Variants in LINGO2 observed in about 807,000 individuals in gnomAD.
LINGO2 encodes leucine-rich repeat and immunoglobulin-like domain-containing nogo receptor-interacting protein 2.
LINGO2 carries 14 observed loss-of-function variants against 30.6 expected under a neutral mutation model. The ratio of observed to expected loss-of-function variants is 0.46; its 90% confidence interval spans 0.30 to 0.72. The LOEUF is 0.72. Ranked by LOEUF, LINGO2 falls within the 30% of genes least tolerant of loss-of-function variation. LINGO2 has a pLI of 0.07. For synonymous variants in LINGO2, 317 were observed against 288.5 expected (o/e 1.10, Z -1.00); for missense variants, 729 against 751.7 (o/e 0.97, Z 0.35).
chr9:28,824,581 A>G, the LINGO2 span, among the ~76,000 whole-genome samples: 3 of 152,158 alleles, frequency 2.0e-5, no homozygotes, highest in African/African-American at 2.4e-5. Flanking sequence ...GGTTGCCTGG[A>G]GTAATATGCA....
chr9:28,589,933 A>G (rs1351220768), intron 1 of LINGO2, among the ~76,000 whole-genome samples: 1 of 152,192 alleles, frequency 6.6e-6, no homozygotes, highest in Non-Finnish European at 1.5e-5. Flanking sequence ...CCAAAACAGC[A>G]TGGAACTGGA....
chr9:29,099,103 CAA>C, the LINGO2 span, among the ~76,000 whole-genome samples: 4 of 152,164 alleles, frequency 2.6e-5, no homozygotes, highest in East Asian at 7.7e-4. Context: ...TCACTTTAGA[CAA>C]AGATTCCAAT....
chr9:29,040,344 G>C, the LINGO2 span, among the ~76,000 whole-genome samples: 4 of 151,808 alleles, frequency 2.6e-5, no homozygotes, highest in African/African-American at 7.3e-5. Context: ...TGAAATTATC[G>C]TTGTTGCAAG....
At chr9:28,352,255 T>C (rs1159895699) in intron 3 of LINGO2, among the ~76,000 whole-genome samples, 4 of 151,112 alleles carry the variant, frequency 2.6e-5, no homozygotes, top group Non-Finnish European at 5.9e-5. Context: ...GAAAACCCCA[T>C]TGTCTCAGCC....
At chr9:28,055,524 T>G (rs1485967216) in intron 4 of LINGO2, among the ~76,000 whole-genome samples, 2 of 152,184 alleles carry the variant, frequency 1.3e-5, no homozygotes, top group African/African-American at 2.4e-5. Context: ...GGTACTTCTG[T>G]GGATTGGCTG....
At chr9:28,647,744 C>T (rs1470107702) in intron 1 of LINGO2, among the ~76,000 whole-genome samples, 3 of 151,922 alleles carry the variant, frequency 2.0e-5, no homozygotes, top group Non-Finnish European at 4.4e-5. Flanking sequence ...CTTGCTTCTC[C>T]TAACTTCACA....
At chr9:28,157,187 C>A (rs575353147) in intron 4 of LINGO2, among the ~76,000 whole-genome samples, 1 of 152,332 alleles carries the variant, frequency 6.6e-6, no homozygotes, top group Admixed American at 6.5e-5. Context: ...TCTGCCTGGA[C>A]ATCCAGGCAT....
the LINGO2 span, among the ~76,000 whole-genome samples, chr9:29,021,052 T>C: frequency 3.3e-5 from 5 of 152,100 alleles, no homozygotes; most frequent in Admixed American, 2.6e-4. Context: ...GCTATGTACA[T>C]TGAAGGAGAA....
chr9:28,252,444 C>A (rs1822237856), intron 4 of LINGO2, among the ~76,000 whole-genome samples: 2 of 152,056 alleles, frequency 1.3e-5, no homozygotes, highest in South Asian at 4.1e-4. Context: ...CCAGGATGGT[C>A]TCAATCTCTT....
At chr9:28,950,992 T>C in the LINGO2 span, among the ~76,000 whole-genome samples, 3 of 152,088 alleles carry the variant, frequency 2.0e-5, no homozygotes, top group African/African-American at 7.2e-5. Context: ...CTTCAAACTA[T>C]ACTACAAGGC....
chr9:29,084,769 T>G, the LINGO2 span, among the ~76,000 whole-genome samples: 2 of 151,986 alleles, frequency 1.3e-5, no homozygotes, highest in African/African-American at 4.8e-5. Context: ...TCACCAAAAT[T>G]AAGACTTAGC....
At chr9:28,884,640 C>T in the LINGO2 span, among the ~76,000 whole-genome samples, 1 of 146,622 alleles carries the variant, frequency 6.8e-6, no homozygotes, top group African/African-American at 2.5e-5. Context: ...ATAAGTAAGT[C>T]AATGGTTTAG....
At chr9:29,198,715 C>T in the LINGO2 span, among the ~76,000 whole-genome samples, 1 of 152,086 alleles carries the variant, frequency 6.6e-6, no homozygotes, top group African/African-American at 2.4e-5. Flanking sequence ...AGGCAAGATT[C>T]TGTAAATGTT....
At chr9:28,866,507 G>T in the LINGO2 span, among the ~76,000 whole-genome samples, 2 of 152,160 alleles carry the variant, frequency 1.3e-5, no homozygotes, top group African/African-American at 4.8e-5. Flanking sequence ...TATAATCAAT[G>T]CTATGAAAGG....
the LINGO2 span, among the ~76,000 whole-genome samples, chr9:29,203,762 G>GTCTCACTCTTCACACTTAC: frequency 1.3e-5 from 2 of 152,094 alleles, no homozygotes; most frequent in South Asian, 4.1e-4. Flanking sequence ...ACAGCACTTA[G>GTCTCACTCTTCACACTTAC]TCTCACTCTT....
intron 5 of LINGO2, among the ~76,000 whole-genome samples, chr9:28,007,012 C>G (rs1168730750): frequency 1.3e-5 from 2 of 152,138 alleles, no homozygotes; most frequent in African/African-American, 4.8e-5. Flanking sequence ...CCAATCTGGA[C>G]CCTTGTGACT....
At chr9:29,051,647 T>C in the LINGO2 span, among the ~76,000 whole-genome samples, 1 of 152,148 alleles carries the variant, frequency 6.6e-6, no homozygotes, top group Non-Finnish European at 1.5e-5. Context: ...ATCTCTATAT[T>C]AGGAGTTCTG....
At chr9:28,195,208 C>A (rs10968379) in intron 4 of LINGO2, among the ~76,000 whole-genome samples, 27,839 of 151,490 alleles carry the variant, frequency 0.18, 2,673 homozygotes, top group South Asian at 0.28. Context: ...GTATAGGAAC[C>A]AGCTACAATA....
intron 4 of LINGO2, among the ~76,000 whole-genome samples, chr9:28,145,360 G>A (rs1176105028): frequency 1.3e-5 from 2 of 152,046 alleles, no homozygotes; most frequent in Non-Finnish European, 2.9e-5. Context: ...GCATACTTTG[G>A]GTATTTTAGG....
Sources: gnomAD v4.1 joint callset for allele counts (sites outside exome capture counted in the v4.1 genomes callset) on GRCh38, gnomAD v4.1.1 for gene constraint, MANE v1.5 for transcripts, NCBI Gene and HGNC (gene_info 2026-07-23, HGNC 2026-07-21) for gene names.